The following PTGFRN variants were observed in gnomAD, a reference collection of about 807,000 sequenced individuals.
PTGFRN encodes the protein prostaglandin F2 receptor inhibitor.
In PTGFRN, 35 loss-of-function variants were observed where a neutral mutation model predicts 83.2. That is an observed-to-expected ratio of 0.42 (90% confidence interval 0.32 to 0.56). PTGFRN has a LOEUF of 0.56. PTGFRN is among the 20% of genes least tolerant of loss of function. PTGFRN has a pLI of 0.11. For synonymous variants in PTGFRN, 519 were observed against 498.6 expected (o/e 1.04, Z -0.55); for missense variants, 1,051 against 1,179.5 (o/e 0.89, Z 1.60).
At chr1:116,919,488 C>G (rs889081311) in intron 1 of PTGFRN, among the ~76,000 whole-genome samples, 4 of 152,154 alleles carry the variant, frequency 2.6e-5, no homozygotes, top group African/African-American at 7.2e-5. Flanking sequence ...GCCTCAACCT[C>G]CCTGGCTGAA....
intron 5 of PTGFRN, among the ~76,000 whole-genome samples, chr1:116,966,256 CCA>C (rs1650827571): frequency 5.3e-5 from 8 of 152,220 alleles, no homozygotes; most frequent in Non-Finnish European, 8.8e-5. Flanking sequence ...GTTAGCGTAG[CCA>C]TAGACACCTC....
intron 1 of PTGFRN, among the ~76,000 whole-genome samples, chr1:116,925,749 A>G (rs940990635): frequency 1.3e-5 from 2 of 152,130 alleles, no homozygotes; most frequent in Non-Finnish European, 2.9e-5. Flanking sequence ...CAACTTTTCT[A>G]TAAGTCAACA....
At chr1:116,974,393 T>C in intron 7 of PTGFRN, 70 bp downstream of exon 7, 1 of 1,206,600 alleles carries the variant, frequency 8.3e-7, no homozygotes. Flanking sequence ...ATCCGCACTG[T>C]GTTACACAGA....
chr1:116,943,895 A>G (rs549328182), intron 2 of PTGFRN, among the ~76,000 whole-genome samples: 1 of 152,236 alleles, frequency 6.6e-6, no homozygotes, highest in African/African-American at 2.4e-5. Flanking sequence ...CAGCTCATGG[A>G]TAAGCCTGAT....
At chr1:116,929,040 C>G (rs962181059) in intron 1 of PTGFRN, among the ~76,000 whole-genome samples, 1 of 152,160 alleles carries the variant, frequency 6.6e-6, no homozygotes, top group African/African-American at 2.4e-5. Context: ...TGATAGGGAC[C>G]TCACATTTAA....
intron 1 of PTGFRN, among the ~76,000 whole-genome samples, chr1:116,921,404 A>G (rs927046341): frequency 5.3e-5 from 8 of 152,194 alleles, no homozygotes; most frequent in African/African-American, 1.9e-4. Flanking sequence ...GGCGCATTGA[A>G]ACGTTTTCTT....
chr1:116,979,218 A>G (rs1651241232), intron 7 of PTGFRN, among the ~76,000 whole-genome samples: 1 of 152,212 alleles, frequency 6.6e-6, no homozygotes, highest in South Asian at 2.1e-4. Flanking sequence ...ACAAAATAAA[A>G]CAGGACAGAA....
intron 1 of PTGFRN, among the ~76,000 whole-genome samples, chr1:116,934,244 C>G (rs756770330): frequency 6.6e-6 from 1 of 152,108 alleles, no homozygotes; most frequent in Non-Finnish European, 1.5e-5. Context: ...CTCCTGGGCT[C>G]AAGCAGTCCT....
At chr1:116,916,279 A>G (rs2101050014) in intron 1 of PTGFRN, among the ~76,000 whole-genome samples, 1 of 152,308 alleles carries the variant, frequency 6.6e-6, no homozygotes, top group Non-Finnish European at 1.5e-5. Flanking sequence ...ACCCGTGGCT[A>G]CTGTTGCTCT....
intron 5 of PTGFRN, among the ~76,000 whole-genome samples, chr1:116,965,319 C>G (rs1650792639): frequency 6.6e-6 from 1 of 151,974 alleles, no homozygotes; most frequent in Non-Finnish European, 1.5e-5. Flanking sequence ...CAGTCTTGCT[C>G]TCTCACCCAG....
At chr1:116,979,725 A>G (rs1388665124) in intron 7 of PTGFRN, among the ~76,000 whole-genome samples, 8 of 152,218 alleles carry the variant, frequency 5.3e-5, no homozygotes, top group Non-Finnish European at 1.2e-4. Flanking sequence ...TTAATTCAAG[A>G]TGGATTAAAG....
intron 1 of PTGFRN, among the ~76,000 whole-genome samples, chr1:116,926,379 G>A (rs1039077045): frequency 3.3e-5 from 5 of 152,196 alleles, no homozygotes; most frequent in Admixed American, 6.5e-5. Context: ...GATGCTGAGC[G>A]GTGCTTGGGC....
intron 4 of PTGFRN, among the ~76,000 whole-genome samples, chr1:116,955,412 A>G (rs1489087546): frequency 6.6e-6 from 1 of 152,194 alleles, no homozygotes; most frequent in African/African-American, 2.4e-5. Context: ...AACAATAATC[A>G]ATATTTTGCT....
intron 5 of PTGFRN, among the ~76,000 whole-genome samples, chr1:116,965,317 C>T (rs1209881699): frequency 6.6e-6 from 1 of 151,902 alleles, no homozygotes; most frequent in Non-Finnish European, 1.5e-5. Flanking sequence ...CACAGTCTTG[C>T]TCTCTCACCC....
At chr1:116,973,487 C>G (rs1407408399) in intron 6 of PTGFRN, among the ~76,000 whole-genome samples, 1 of 151,816 alleles carries the variant, frequency 6.6e-6, no homozygotes, top group East Asian at 1.9e-4. Context: ...TGCCTGTAAT[C>G]CCAGCTACCC....
chr1:116,922,852 G>A (rs967221700), intron 1 of PTGFRN, among the ~76,000 whole-genome samples: 1 of 152,172 alleles, frequency 6.6e-6, no homozygotes, highest in African/African-American at 2.4e-5. Flanking sequence ...CCTTAGAAAC[G>A]ACTGGAAGAT....
At chr1:116,967,374 A>T (rs746503695) in intron 6 of PTGFRN, 44 bp downstream of exon 6, 1 of 1,549,718 alleles carries the variant, frequency 6.5e-7, no homozygotes, top group East Asian at 2.3e-5. Context: ...GCTAGAAGAG[A>T]CCCTAGGGTT....
intron 7 of PTGFRN, among the ~76,000 whole-genome samples, chr1:116,982,848 G>T (rs1330609009): frequency 6.6e-6 from 1 of 152,192 alleles, no homozygotes; most frequent in Admixed American, 6.5e-5. Context: ...GCTTCCATCA[G>T]CCTAAGCCCG....
chr1:116,931,984 T>C (rs947954941), intron 1 of PTGFRN, among the ~76,000 whole-genome samples: 2 of 152,248 alleles, frequency 1.3e-5, no homozygotes, highest in African/African-American at 4.8e-5. Flanking sequence ...TAACTGCTGA[T>C]ACTTATCTTA....
Sources: allele counts gnomAD v4.1 joint callset (sites outside exome capture counted in the v4.1 genomes callset), GRCh38; gene constraint gnomAD v4.1.1; transcripts MANE v1.5; gene names NCBI Gene and HGNC (gene_info 2026-07-23, HGNC 2026-07-21).